The following LIN54 variants were observed in gnomAD, a reference collection of about 807,000 sequenced individuals.
The protein encoded by LIN54 is protein lin-54 homolog.
Under a neutral mutation model 78.7 loss-of-function variants are expected in LIN54, and 9 were observed. The ratio of observed to expected loss-of-function variants is 0.11; its 90% CI spans 0.07 to 0.20. LIN54 has a LOEUF of 0.20. Ranked by LOEUF, LIN54 falls within the 10% of genes least tolerant of loss-of-function variation. The pLI, the probability that LIN54 is intolerant of heterozygous loss-of-function variation, is 1.00. For synonymous variants in LIN54, 269 were observed against 318.4 expected, an observed-to-expected ratio of 0.84 and a Z score of 1.65; for missense variants, 573 against 889.9, an observed-to-expected ratio of 0.64 and a Z score of 4.53.
intron 4 of LIN54, among the ~76,000 whole-genome samples, chr4:82,968,150 C>T (rs1256385694): frequency 1.3e-5 from 2 of 151,786 alleles, no homozygotes; most frequent in African/African-American, 4.8e-5. Flanking sequence ...TCAAGCAATT[C>T]TCCTGCCTCA....
chr4:82,954,913 A>G (rs1004012535), intron 4 of LIN54, among the ~76,000 whole-genome samples: 2 of 152,182 alleles, frequency 1.3e-5, no homozygotes, highest in African/African-American at 4.8e-5. Context: ...AGAAGATAAC[A>G]TTTGGTAACC....
At chr4:82,968,248 T>G (rs1725377131) in intron 4 of LIN54, among the ~76,000 whole-genome samples, 1 of 152,126 alleles carries the variant, frequency 6.6e-6, no homozygotes, top group African/African-American at 2.4e-5. Flanking sequence ...TTCTCCATGT[T>G]GGTCAGGCTG....
intron 2 of LIN54, among the ~76,000 whole-genome samples, chr4:82,981,320 CTGTTAT>C (rs1726619235): frequency 6.6e-6 from 1 of 152,188 alleles, no homozygotes; most frequent in East Asian, 1.9e-4. Flanking sequence ...GTTTATATAT[CTGTTAT>C]TACATATAAT....
In LIN54 at chr4:82,926,774, T is replaced by A. The variant is rs1721499446; in HGVS notation, c.*1328A>T. ...CTTATAAAAAGAAATCCCACCACAATTTTGAAAATTTTGTTAGGAGGCCCA... is the reference window on the plus strand; with the variant it reads ...CTTATAAAAAGAAATCCCACCACAAATTTGAAAATTTTGTTAGGAGGCCCA... On this transcript the variant is annotated 3_prime_UTR_variant, in exon 13 of 13. Transcript: ENST00000340417. The A allele has an allele frequency of 6.6e-6, 1 of 152,190 alleles. No homozygotes were observed. Among genetic ancestry groups the A allele is most frequent in the African/African-American group, 2.4e-5 (1 of 41,464 alleles). 9.4% of individuals were successfully genotyped at this position (152,190 alleles called of 1,614,324 possible).
chr4:82,995,677 A>C (rs2126100923), intron 1 of LIN54, among the ~76,000 whole-genome samples: 1 of 150,974 alleles, frequency 6.6e-6, no homozygotes, highest in African/African-American at 2.4e-5. Context: ...TTGTATTTTT[A>C]GTAAAGGCAG....
rs536764430 is a variant in LIN54 at position 82,965,752 on chromosome 4, C to T, written c.951+4575G>A. On this transcript the variant is annotated intron_variant, in intron 4 of 12. Transcript: ENST00000340417. Reference sequence around the variant, plus strand: ...GCGGGAGATGAAAGATGATCTCAGTCGGGGTGGTTGAGGCTACCCAGTATC... The same window carrying T: ...GCGGGAGATGAAAGATGATCTCAGTTGGGGTGGTTGAGGCTACCCAGTATC... Among the ~76,000 whole-genome samples the T allele has an allele frequency of 1.9e-3, 295 of 152,104 alleles. 1 individual carries two copies. Among genetic ancestry groups the T allele is most frequent in the African/African-American group, 6.6e-3 (273 of 41,484 alleles).
chr4:82,960,499 T>C (rs563778180), intron 4 of LIN54, among the ~76,000 whole-genome samples: 88 of 151,846 alleles, frequency 5.8e-4, no homozygotes, highest in Non-Finnish European at 1.0e-3. Context: ...AGTGGTACAA[T>C]TGTGGCTCAA....
chr4:82,943,027 T>C lies in LIN54; in HGVS notation c.1169-3065A>G, dbSNP rs554218592. ...AAAACCAAGTGGTCATAAAACAGAATACTATAAAATACCTAGGGAAGGGGA... is the reference window on the plus strand; with the variant it reads ...AAAACCAAGTGGTCATAAAACAGAACACTATAAAATACCTAGGGAAGGGGA... On this transcript the variant is annotated intron_variant, in intron 5 of 12. Transcript: ENST00000340417. Among the ~76,000 whole-genome samples, 4 of 152,120 alleles carry C rather than the reference T, an allele frequency of 2.6e-5. No individual in the cohort carries two copies. The East Asian group carries it at 7.7e-4, about 29-fold the overall frequency.
At chr4:82,991,154 G>GAAAAAAAAAAAAAAAAAA (rs56936823) in intron 1 of LIN54, among the ~76,000 whole-genome samples, 2 of 86,362 alleles carry the variant, frequency 2.3e-5, no homozygotes, top group Non-Finnish European at 2.4e-5. Flanking sequence ...TGTCTCTTAA[G>GAAAAAAAAAAAAAAAAAA]AAAAAAAAAA....
chr4:82,996,224 T>C (rs957818379), intron 1 of LIN54, among the ~76,000 whole-genome samples: 1 of 152,038 alleles, frequency 6.6e-6, no homozygotes, highest in African/African-American at 2.4e-5. Context: ...ATGGAAGCCA[T>C]GTACTAGCAC....
chr4:82,990,737 C>T (rs1578627735), intron 1 of LIN54, among the ~76,000 whole-genome samples: 1 of 152,280 alleles, frequency 6.6e-6, no homozygotes, highest in South Asian at 2.1e-4. Context: ...CCCGCCTCCG[C>T]CTCCCAAAGT....
intron 1 of LIN54, among the ~76,000 whole-genome samples, chr4:82,995,154 G>T (rs1728081406): frequency 6.6e-6 from 1 of 151,728 alleles, no homozygotes; most frequent in Admixed American, 6.6e-5. Context: ...TTAAAAATTA[G>T]CCAGGCGTGG....
intron 2 of LIN54, among the ~76,000 whole-genome samples, chr4:82,980,984 T>G (rs1726586503): frequency 6.6e-6 from 1 of 152,200 alleles, no homozygotes; most frequent in South Asian, 2.1e-4. Flanking sequence ...GTTATGTTTC[T>G]TTAGTGGTGC....
intron 11 of LIN54, 23 bp from the exon 12 acceptor site, chr4:82,931,168 GT>G: frequency 6.2e-7 from 1 of 1,606,072 alleles, no homozygotes; most frequent in Non-Finnish European, 8.5e-7. Context: ...CATAAGAAAA[GT>G]TTCCAAATCA....
At chr4:82,982,403 T>C (rs374230960) in intron 2 of LIN54, among the ~76,000 whole-genome samples, 3 of 152,236 alleles carry the variant, frequency 2.0e-5, no homozygotes, top group East Asian at 1.9e-4. Flanking sequence ...TAATTTTTTG[T>C]ATTTTTGGTA....
upstream of LIN54, among the ~76,000 whole-genome samples, chr4:83,012,544 C>G: frequency 6.6e-6 from 1 of 152,132 alleles, no homozygotes; most frequent in Non-Finnish European, 1.5e-5. Context: ...CGGGTGACAG[C>G]CACCCTCTCG....
chr4:83,004,198 C>A (rs574558252), intron 1 of LIN54, among the ~76,000 whole-genome samples: 1 of 151,838 alleles, frequency 6.6e-6, no homozygotes, highest in African/African-American at 2.4e-5. Flanking sequence ...GAGTTTGAGA[C>A]CAGCCTGGCC....
intron 5 of LIN54, among the ~76,000 whole-genome samples, chr4:82,942,861 C>T (rs1260137023): frequency 6.0e-5 from 2 of 33,350 alleles, no homozygotes; most frequent in Non-Finnish European, 4.7e-5. Context: ...TGTGCGCGCG[C>T]ACACACACAC....
rs949722384 is a variant in LIN54, at chr4:82,925,671, G to T, written c.*2431C>A. On this transcript the variant is annotated 3_prime_UTR_variant, in exon 13 of 13. Transcript: ENST00000340417. ...TAAAAGGTTTTTTGCATATTAAATG[G>T]TTAATAAAGTGGTGTTATTATACTA... The T allele has an allele frequency of 3.3e-5, 5 of 152,686 alleles. No homozygotes were observed. The highest frequency in any genetic ancestry group is 2.6e-4 in the Admixed American group (4 of 15,292). 9.5% of individuals were successfully genotyped at this position (152,686 alleles called of 1,614,324 possible).
Sources: gnomAD v4.1 joint callset for allele counts (sites outside exome capture counted in the v4.1 genomes callset) on GRCh38, gnomAD v4.1.1 for gene constraint, MANE v1.5 for transcripts, NCBI Gene and HGNC (gene_info 2026-07-23, HGNC 2026-07-21) for gene names.